The following PCDHGA10 variants were observed in gnomAD, a reference collection of about 807,000 sequenced individuals.
The protein encoded by PCDHGA10 is protocadherin gamma subfamily A, 10, also known as protocadherin gamma-A10.
A neutral mutation model predicts 59.5 loss-of-function variants in PCDHGA10; 42 were observed. The observed-to-expected ratio is 0.71, with a 90% CI of 0.55 to 0.91. PCDHGA10 has a LOEUF of 0.91. Among genes scored for constraint, PCDHGA10 ranks in the 40% least tolerant of loss-of-function variants. PCDHGA10 has a pLI of 0.00. For missense variants in PCDHGA10, 1,111 were observed against 1,198.2 expected, an observed-to-expected ratio of 0.93 and a Z score of 1.07; for synonymous variants, 511 against 517.2, an observed-to-expected ratio of 0.99 and a Z score of 0.16.
rs369940443 is a variant in PCDHGA10, at chr5:141,477,841, C to G, written c.2437-16966C>G. 6.2e-7 allele frequency: 1 copy of G among 1,613,308 alleles called. No individual in the cohort carries two copies. The highest frequency in any genetic ancestry group is 1.3e-5 in the African/African-American group (1 of 74,700). On this transcript the variant is annotated intron_variant, in intron 1 of 3. Coordinates refer to ENST00000398610, the MANE Select transcript of PCDHGA10 (RefSeq NM_018913.3). The surrounding 1 kb of genome is among the most constrained non-coding windows in gnomAD (Gnocchi z 4.9). ...TCCTATATCCTCGGCCAGGTGGGAG[C>G]TCGGTGGAGATGCTGCCTCGAGGTA...
chr5:141,427,320 G>A (rs920149276), intron 1 of PCDHGA10: 5 of 456,968 alleles, frequency 1.1e-5, no homozygotes, highest in Non-Finnish European at 1.8e-5. Context: ...CCCAGACGTG[G>A]TTTTTACTTC....
In PCDHGA10 at chr5:141,414,676, CA is replaced by C. The variant is rs779931467; in HGVS notation, c.1502del (p.Gln501ArgfsTer36). ...TTACTCCCTGGCTGAAGACACCATC[CA>C]GGGGGTACCTCTGTCCTCATACATA... is the stretch of plus-strand genomic sequence containing the variant. ...IIYSLAEDTIQGVPLSSYISI... is the reference protein window; with the variant it reads ...IIYSLAEDTIXGVPLSSYISI... On this transcript the variant is annotated frameshift_variant, in exon 1 of 4. Transcript: ENST00000398610. LOFTEE classifies it high-confidence loss of function. The C allele has an allele frequency of 5.6e-5, 91 of 1,613,916 alleles. No homozygotes were observed. The highest frequency in any genetic ancestry group is 1.6e-4 in the Middle Eastern group (1 of 6,084).
intron 1 of PCDHGA10, among the ~76,000 whole-genome samples, chr5:141,447,688 G>A (rs188511217): frequency 1.4e-4 from 22 of 152,258 alleles, no homozygotes; most frequent in African/African-American, 4.3e-4. Context: ...TATCTTGATA[G>A]AGGGATGGGT....
intron 1 of PCDHGA10, among the ~76,000 whole-genome samples, chr5:141,456,824 G>C (rs2098890304): frequency 6.6e-6 from 1 of 152,052 alleles, no homozygotes; most frequent in African/African-American, 2.4e-5. Flanking sequence ...ATTAGCCATC[G>C]TGGTAGTGGG....
chr5:141,474,011 A>T (rs910186122), intron 1 of PCDHGA10, among the ~76,000 whole-genome samples: 2 of 152,112 alleles, frequency 1.3e-5, no homozygotes, highest in Non-Finnish European at 2.9e-5. Flanking sequence ...TGGAAGTTAC[A>T]GTGAGCTATG....
chr5:141,432,070 T>C lies in PCDHGA10; in HGVS notation c.2436+16459T>C. 6.2e-7 allele frequency: 1 copy of C among 1,614,136 alleles called. No homozygotes were observed. The highest frequency in any genetic ancestry group is 2.2e-5 in the East Asian group (1 of 44,860). ...CCCCGCCCCTATCCACGGAAACTCATATCTCGCTGAACGTGGCAGACACCA... is the reference window on the plus strand; with the variant it reads ...CCCCGCCCCTATCCACGGAAACTCACATCTCGCTGAACGTGGCAGACACCA... On this transcript the variant is annotated intron_variant, in intron 1 of 3. Transcript: ENST00000398610. The surrounding 1 kb of genome is among the most constrained non-coding windows in gnomAD (Gnocchi z 6.0).
rs1210691847 is a variant in PCDHGA10, at chr5:141,432,985, C to T, written c.2436+17374C>T. The stretch of plus-strand genomic sequence containing the variant: ...GAGCGCCGGCGTCGCACTTTGTGGG[C>T]GTGGACGGGGTGCAGGCTTTCCTGC... On this transcript the variant is annotated intron_variant, in intron 1 of 3. Transcript: ENST00000398610. The surrounding 1 kb of genome is among the most constrained non-coding windows in gnomAD (Gnocchi z 6.0). The T allele has an allele frequency of 3.1e-6, 5 of 1,614,176 alleles. No individual in the cohort carries two copies. The highest frequency in any genetic ancestry group is 4.2e-6 in the Non-Finnish European group (5 of 1,180,034).
At position 141,413,981 on chromosome 5, in the gene PCDHGA10, C is replaced by A. The variant is rs563161887; in HGVS notation, c.806C>A (p.Thr269Lys). 6.2e-7 allele frequency: 1 copy of A among 1,613,452 alleles called. No homozygotes were observed. Among genetic ancestry groups the A allele is most frequent in the Admixed American group, 1.7e-5 (1 of 60,014 alleles). ...LPVGTQLLTV[T>K]ATDRDEGANG... is the part of the protein sequence containing the mutation. Reference sequence around the variant, plus strand: ...GTGGGCACTCAGCTGCTGACAGTCACAGCCACCGACAGGGACGAAGGTGCC... The same window carrying A: ...GTGGGCACTCAGCTGCTGACAGTCAAAGCCACCGACAGGGACGAAGGTGCC... The change falls in exon 1 of 4, where the codon ACA becomes AAA. Residue 269 changes from threonine (T) to lysine (K), a missense_variant. Coordinates refer to ENST00000398610, the MANE Select transcript of PCDHGA10 (RefSeq NM_018913.3).
intron 1 of PCDHGA10, chr5:141,430,875 T>C: frequency 6.3e-7 from 1 of 1,599,398 alleles, no homozygotes; most frequent in Non-Finnish European, 8.5e-7. Context: ...CCGGAAGAGC[T>C]GGAGAAAGGC....
intron 1 of PCDHGA10, among the ~76,000 whole-genome samples, chr5:141,467,824 G>A (rs1272399938): frequency 2.0e-5 from 3 of 151,798 alleles, no homozygotes; most frequent in Non-Finnish European, 4.4e-5. Flanking sequence ...ACACCAGGCT[G>A]ATTTTTATAT....
Position 141,431,260 on chromosome 5 carries a change from G to C in PCDHGA10, c.2436+15649G>C, listed in dbSNP as rs762250032. On this transcript the variant is annotated intron_variant, in intron 1 of 3. Coordinates refer to ENST00000398610, the MANE Select transcript of PCDHGA10 (RefSeq NM_018913.3). The surrounding 1 kb of genome is among the most constrained non-coding windows in gnomAD (Gnocchi z 4.8). The stretch of plus-strand genomic sequence containing the variant: ...ATCCGGATATCGGGAAGAACTCTCT[G>C]CAGAGCTACGAGCTCAGCCCGAACA... 6.2e-7 allele frequency: 1 copy of C among 1,614,170 alleles called. No homozygotes were observed. Among genetic ancestry groups the C allele is most frequent in the Non-Finnish European group, 8.5e-7 (1 of 1,180,052 alleles).
At chr5:141,436,471 A>G (rs1249793994) in intron 1 of PCDHGA10, among the ~76,000 whole-genome samples, 1 of 152,204 alleles carries the variant, frequency 6.6e-6, no homozygotes, top group Non-Finnish European at 1.5e-5. Flanking sequence ...TTTCAGATGT[A>G]TCATAGAAGG....
At chr5:141,433,020 C>G (rs761127608) in intron 1 of PCDHGA10, 5 of 1,614,152 alleles carry the variant, frequency 3.1e-6, no homozygotes, top group East Asian at 2.2e-5. Flanking sequence ...CAGACCTATT[C>G]CCACGAGGTT....
intron 1 of PCDHGA10, chr5:141,423,114 A>G: frequency 1.9e-6 from 3 of 1,613,848 alleles, no homozygotes; most frequent in Non-Finnish European, 1.7e-6. Context: ...AGGTGCGTAC[A>G]GCGCGGGCAC....
chr5:141,443,947 T>C (rs2098410978), intron 1 of PCDHGA10, among the ~76,000 whole-genome samples: 1 of 152,082 alleles, frequency 6.6e-6, no homozygotes, highest in Non-Finnish European at 1.5e-5. Flanking sequence ...GGTTTCCTTA[T>C]TGGTATGTAT....
Position 141,415,339 on chromosome 5 carries a change from C to T in PCDHGA10, c.2164C>T (p.Arg722Cys), listed in dbSNP as rs776585248. 7.4e-6 allele frequency: 12 copies of T among 1,614,190 alleles called. No individual in the cohort carries two copies. Among genetic ancestry groups the T allele is most frequent in the Non-Finnish European group, 1.0e-5 (12 of 1,180,032 alleles). ...VIVLLAHRLR[R>C]WHKSRLLQAS... is the part of the protein sequence containing the mutation. ...CGTGCTGCTGGCGCACAGGCTGCGG[C>T]GCTGGCACAAGTCACGCCTGCTGCA... Residue 722 changes from arginine to cysteine, a missense_variant, in exon 1 of 4, where the codon CGC becomes TGC. By Grantham distance (180) the Arg-to-Cys change is radical (BLOSUM62 -3). Transcript: ENST00000398610.
intron 1 of PCDHGA10, among the ~76,000 whole-genome samples, chr5:141,481,250 C>A (rs1160186962): frequency 2.6e-5 from 4 of 152,144 alleles, no homozygotes; most frequent in Non-Finnish European, 5.9e-5. Context: ...TAGCATAGCT[C>A]TAAAAGATCA....
intron 1 of PCDHGA10, chr5:141,422,834 G>A (rs1450583869): frequency 3.1e-6 from 5 of 1,614,230 alleles, no homozygotes; most frequent in East Asian, 2.2e-5. Context: ...GTGATAGCAC[G>A]TGACAGCGGG....
chr5:141,465,257 T>C (rs968727090), intron 1 of PCDHGA10, among the ~76,000 whole-genome samples: 19 of 152,310 alleles, frequency 1.2e-4, no homozygotes, highest in Admixed American at 1.2e-3. Flanking sequence ...TTGTAAGCAA[T>C]GATACTAGCC....
Sources: gnomAD v4.1 joint callset for allele counts (sites outside exome capture counted in the v4.1 genomes callset) on GRCh38, gnomAD v4.1.1 for gene constraint, Gnocchi (gnomAD v3.1) non-coding constraint, MANE v1.5 for transcripts, NCBI Gene and HGNC (gene_info 2026-07-23, HGNC 2026-07-21) for gene names.